BFAR: variants seen among roughly 807,000 people sequenced by gnomAD.
BFAR encodes bifunctional apoptosis regulator, also known as RING finger protein 47.
BFAR carries 52 observed loss-of-function variants against 54.4 expected under a neutral mutation model. The observed-to-expected ratio is 0.96, with a 90% CI of 0.77 to 1.21. The LOEUF is 1.21. Ranked by LOEUF, BFAR falls within the 50% of genes most tolerant of loss-of-function variation. The probability of loss-of-function intolerance (pLI) is 0.00; values close to 1 mark genes in which losing one functional copy is unlikely to be tolerated. For synonymous variants in BFAR, 215 were observed against 204.3 expected (o/e 1.05, Z -0.45); for missense variants, 571 against 534.0 (o/e 1.07, Z -0.68).
At chr16:14,634,239 G>A (rs1959362378) in intron 1 of BFAR, among the ~76,000 whole-genome samples, 1 of 152,226 alleles carries the variant, frequency 6.6e-6, no homozygotes, top group Non-Finnish European at 1.5e-5. Flanking sequence ...AGCCGGCAGG[G>A]ACTGCACGTG....
At chr16:14,665,951 G>C (rs1960429930) in intron 7 of BFAR, among the ~76,000 whole-genome samples, 1 of 152,110 alleles carries the variant, frequency 6.6e-6, no homozygotes, top group Non-Finnish European at 1.5e-5. Context: ...AAGCATGACT[G>C]GACCCTGAGA....
Position 14,648,547 on chromosome 16 carries a change from A to C in BFAR, c.423A>C (p.Gly141=), listed in dbSNP as rs1459559630. Residue 141 remains glycine (G), a synonymous_variant, in exon 3 of 8, where the codon GGA becomes GGC. Transcript: ENST00000261658. The stretch of plus-strand genomic sequence containing the variant: ...CAGGCCGAGCGAATCAGCAGATGGG[A>C]GGGGGATTCTTTTCCGGTGTGCTCA... The part of the protein sequence containing the change: ...PNTGRANQQM[G]GGFFSGVLTA... 2 of 1,613,922 alleles carry C rather than the reference A, an allele frequency of 1.2e-6. No homozygotes were observed. Among genetic ancestry groups the C allele is most frequent in the African/African-American group, 1.3e-5 (1 of 74,976 alleles).
chr16:14,662,624 A>T (rs988688422), intron 6 of BFAR, among the ~76,000 whole-genome samples: 1 of 152,106 alleles, frequency 6.6e-6, no homozygotes, highest in Non-Finnish European at 1.5e-5. Flanking sequence ...GGCTCAAGCG[A>T]TCTTCACACC....
At chr16:14,642,785 T>A (rs1463359520) in intron 1 of BFAR, among the ~76,000 whole-genome samples, 1 of 152,204 alleles carries the variant, frequency 6.6e-6, no homozygotes, top group Non-Finnish European at 1.5e-5. Flanking sequence ...CAACAAGTGT[T>A]ATTTACAGGA....
Position 14,668,983 on chromosome 16 carries a change from T to C in BFAR, c.*1156T>C. ...GCAGGTATAATTACACCAAGCGCTA[T>C]AGTTATAAATATGGCATGAAGTGAA... On this transcript the variant is annotated 3_prime_UTR_variant, in exon 8 of 8. Coordinates refer to ENST00000261658, the MANE Select transcript of BFAR (RefSeq NM_016561.3). The C allele has an allele frequency of 4.5e-6, 2 of 441,770 alleles. No homozygotes were observed. Among genetic ancestry groups the C allele is most frequent in the Non-Finnish European group, 9.1e-6 (2 of 219,390 alleles). 27.4% of individuals were successfully genotyped at this position (441,770 alleles called of 1,614,324 possible). A position where few individuals can be genotyped will look rare whatever the true frequency, so the allele number is the denominator to read the frequency against.
At chr16:14,653,004 C>G (rs1292494486) in intron 4 of BFAR, among the ~76,000 whole-genome samples, 4 of 152,136 alleles carry the variant, frequency 2.6e-5, no homozygotes, top group African/African-American at 9.7e-5. Flanking sequence ...AAATGGCATG[C>G]TCCTACTTTA....
intron 1 of BFAR, among the ~76,000 whole-genome samples, chr16:14,634,117 T>C (rs1035177713): frequency 6.6e-6 from 1 of 152,094 alleles, no homozygotes; most frequent in Non-Finnish European, 1.5e-5. Flanking sequence ...CGCCATTGGG[T>C]CCTCCCCGCC....
chr16:14,650,345 G>C, intron 4 of BFAR: 1 of 168,384 alleles, frequency 5.9e-6, no homozygotes, highest in Non-Finnish European at 1.3e-5. Context: ...GAGAGAGAGA[G>C]AGATGTAATC....
chr16:14,638,021 C>G (rs1422812264), intron 1 of BFAR, among the ~76,000 whole-genome samples: 2 of 151,280 alleles, frequency 1.3e-5, no homozygotes, highest in African/African-American at 2.4e-5. Flanking sequence ...TAATATATAA[C>G]GAGAGAATTT....
intron 5 of BFAR, among the ~76,000 whole-genome samples, chr16:14,659,225 G>GTTTTGTTT (rs1960216345): frequency 7.1e-6 from 1 of 141,304 alleles, no homozygotes; most frequent in Non-Finnish European, 1.6e-5. Context: ...ATGCAATTTG[G>GTTTTGTTT]TTTTTTTTGT....
rs138008477 is a variant in BFAR, at chr16:14,648,419, A to C, written c.295A>C (p.Ile99Leu). 2 of 1,613,546 alleles carry C rather than the reference A, an allele frequency of 1.2e-6. No homozygotes were observed. The highest frequency in any genetic ancestry group is 2.7e-5 in the African/African-American group (2 of 74,868). ...CATTGAAAAGTTATTTCCTGATGCC[A>C]TTAGACTGAGATTTGAAGACATTCA... Reference protein sequence around the residue: ...DAIEKLFPDAIRLRFEDIQQN... With the variant: ...DAIEKLFPDALRLRFEDIQQN... The change falls in exon 3 of 8, where the codon ATT (isoleucine) becomes CTT (leucine). Residue 99 changes from isoleucine (I) to leucine (L), a missense_variant. Coordinates refer to ENST00000261658, the MANE Select transcript of BFAR (RefSeq NM_016561.3).
chr16:14,637,145 C>G (rs1178358698), intron 1 of BFAR, among the ~76,000 whole-genome samples: 3 of 128,538 alleles, frequency 2.3e-5, no homozygotes, highest in Non-Finnish European at 3.1e-5. Flanking sequence ...TTGTAAATGT[C>G]TCTGCATAGT....
At chr16:14,653,334 T>A (rs1159236038) in intron 4 of BFAR, among the ~76,000 whole-genome samples, 1 of 152,120 alleles carries the variant, frequency 6.6e-6, no homozygotes, top group Non-Finnish European at 1.5e-5. Flanking sequence ...TTTAATTTAA[T>A]TTTTATTTTT....
Position 14,644,515 on chromosome 16 carries a change from T to G in BFAR, c.169T>G (p.Cys57Gly). 1 of 1,614,150 alleles carries G rather than the reference T, an allele frequency of 6.2e-7. No homozygotes were observed. The highest frequency in any genetic ancestry group is 8.5e-7 in the Non-Finnish European group (1 of 1,180,000). The change falls in exon 2 of 8, where the codon TGC becomes GGC. Residue 57 changes from cysteine (C) to glycine (G), a missense_variant. Transcript: ENST00000261658. ...CTGTGGGCACAGCTTCTGCCGTCAC[T>G]GCCTTGCTTTATGGTGGGCATCTTC... The part of the protein sequence containing the change: ...LNCGHSFCRH[C>G]LALWWASSKK...
rs1190597480 is a variant in BFAR at position 14,668,483 on chromosome 16, G to A, written c.*656G>A. 1 of 152,478 alleles carries A rather than the reference G, an allele frequency of 6.6e-6. No individual in the cohort carries two copies. Among genetic ancestry groups the A allele is most frequent in the Non-Finnish European group, 1.5e-5 (1 of 68,326 alleles). The allele number at this position is 152,478 out of a possible 1,614,324, so 9.4% of individuals were successfully genotyped here. ...CTTTATGGAAATCATTGAAGGTCTG[G>A]ATCCCTTTCTCTGAATGGAGAGATT... On this transcript the variant is annotated 3_prime_UTR_variant, in exon 8 of 8. Transcript: ENST00000261658.
intron 2 of BFAR, among the ~76,000 whole-genome samples, chr16:14,645,554 A>G (rs1385475756): frequency 1.3e-5 from 2 of 152,074 alleles, no homozygotes; most frequent in Non-Finnish European, 2.9e-5. Flanking sequence ...CCCCTCTTCT[A>G]TTGTCTAACA....
intron 1 of BFAR, among the ~76,000 whole-genome samples, chr16:14,634,812 G>A (rs1445611221): frequency 6.6e-6 from 1 of 152,176 alleles, no homozygotes; most frequent in Non-Finnish European, 1.5e-5. Flanking sequence ...AGACCATACT[G>A]TTTCAACTCT....
At position 14,664,288 on chromosome 16, in the gene BFAR, G is replaced by A. The variant is rs537973097; in HGVS notation, c.958-581G>A. 7.2e-5 allele frequency among the ~76,000 whole-genome samples: 11 copies of A among 151,742 alleles called. No individual in the cohort carries two copies. The East Asian group carries it at 1.4e-3, about 19-fold the overall frequency. ...GGTAAGTACGAGAACATACTCAGGA[G>A]GCTGAGACAGGAGAATCACTTGAAC... On this transcript the variant is annotated intron_variant, in intron 6 of 7. Coordinates refer to ENST00000261658, the MANE Select transcript of BFAR (RefSeq NM_016561.3).
chr16:14,667,358 A>G, intron 7 of BFAR: 1 of 436,958 alleles, frequency 2.3e-6, no homozygotes, highest in Non-Finnish European at 4.0e-6. Context: ...AAAAAAAAAT[A>G]TGTAAATGTA....
Sources: allele counts gnomAD v4.1 joint callset (sites outside exome capture counted in the v4.1 genomes callset), GRCh38; gene constraint gnomAD v4.1.1; transcripts MANE v1.5; gene names NCBI Gene and HGNC (gene_info 2026-07-23, HGNC 2026-07-21).